DGKB: variants seen among roughly 807,000 people sequenced by gnomAD.
DGKB encodes the protein diacylglycerol kinase beta, also known as 90 kDa diacylglycerol kinase.
A neutral mutation model predicts 114.3 loss-of-function variants in DGKB; 67 were observed. That is an observed-to-expected ratio of 0.59 (90% confidence interval 0.48 to 0.72). The LOEUF (loss-of-function observed/expected upper bound fraction) is 0.72, where lower values mean the gene tolerates loss of function less well. DGKB is among the 30% of genes least tolerant of loss of function. DGKB has a pLI of 0.00. For missense variants in DGKB, 907 were observed against 975.2 expected (o/e 0.93, Z 0.93); for synonymous variants, 398 against 323.1 (o/e 1.23, Z -2.49).
chr7:14,494,891 G>A lies in DGKB; in HGVS notation c.1771-16666C>T, dbSNP rs139880098. Among the ~76,000 whole-genome samples the A allele has an allele frequency of 2.5e-3, 386 of 151,782 alleles. 4 individuals carry two copies. Among genetic ancestry groups the A allele is most frequent in the Middle Eastern group, 3.4e-3 (1 of 294 alleles). On this transcript the variant is annotated intron_variant, in intron 20 of 25. Transcript: ENST00000402815. ...AGTCCTACTAATATATACAATCCAC[G>A]TGGATCTGCATGTTATATGGCTTCA...
intron 4 of DGKB, among the ~76,000 whole-genome samples, chr7:14,749,133 G>A (rs373118962): frequency 2.6e-5 from 4 of 152,136 alleles, no homozygotes; most frequent in African/African-American, 9.6e-5. Flanking sequence ...ATGCAGCATG[G>A]CTATCTTACT....
intron 1 of DGKB, among the ~76,000 whole-genome samples, chr7:14,929,022 T>TACACACACAC (rs3036022): frequency 1.6e-3 from 231 of 146,846 alleles, no homozygotes; most frequent in Middle Eastern, 3.5e-3. Flanking sequence ...GCATTGTGTA[T>TACACACACAC]ACACACACAC....
chr7:14,818,685 T>C (rs1844497177), intron 2 of DGKB, among the ~76,000 whole-genome samples: 1 of 152,204 alleles, frequency 6.6e-6, no homozygotes, highest in Admixed American at 6.5e-5. Flanking sequence ...GATTAGTTTA[T>C]CAGTCAGGAT....
intron 21 of DGKB, among the ~76,000 whole-genome samples, chr7:14,454,300 C>T (rs528636681): frequency 8.5e-5 from 13 of 152,076 alleles, no homozygotes; most frequent in Admixed American, 3.3e-4. Flanking sequence ...AAATACTTCC[C>T]TATTTTAAAA....
intron 14 of DGKB, among the ~76,000 whole-genome samples, chr7:14,623,475 C>A (rs1382579726): frequency 6.6e-6 from 1 of 152,166 alleles, no homozygotes; most frequent in Non-Finnish European, 1.5e-5. Context: ...TCTCTGCTAT[C>A]AAGCATTGAA....
chr7:14,404,836 G>A (rs73679723), intron 21 of DGKB, among the ~76,000 whole-genome samples: 225 of 151,416 alleles, frequency 1.5e-3, no homozygotes, highest in African/African-American at 4.9e-3. Context: ...CTTGTCTTTC[G>A]TTGGCTGCTC....
At chr7:14,376,247 G>A (rs762927522) in intron 21 of DGKB, among the ~76,000 whole-genome samples, 1 of 152,136 alleles carries the variant, frequency 6.6e-6, no homozygotes, top group South Asian at 2.1e-4. Context: ...ATCAGACTGG[G>A]CCAAGAGAAT....
At chr7:14,218,034 T>C (rs1789285742) in intron 23 of DGKB, among the ~76,000 whole-genome samples, 1 of 152,154 alleles carries the variant, frequency 6.6e-6, no homozygotes, top group South Asian at 2.1e-4. Flanking sequence ...TTCATTTGGC[T>C]TTAAAATAAA....
At chr7:14,412,848 G>T (rs569989512) in intron 21 of DGKB, among the ~76,000 whole-genome samples, 12 of 152,068 alleles carry the variant, frequency 7.9e-5, no homozygotes, top group Admixed American at 4.6e-4. Context: ...AGGCGTGATG[G>T]TGCGTGCCTG....
intron 4 of DGKB, among the ~76,000 whole-genome samples, chr7:14,738,056 G>T (rs1407897370): frequency 6.6e-6 from 1 of 152,160 alleles, no homozygotes; most frequent in Admixed American, 6.5e-5. Context: ...TAAAAACATG[G>T]CGATTAGGCC....
At position 14,701,746 on chromosome 7, in the gene DGKB, T is replaced by C; in HGVS notation, c.467-16A>G. The C allele has an allele frequency of 6.3e-7, 1 of 1,585,492 alleles. No homozygotes were observed. The highest frequency in any genetic ancestry group is 1.1e-5 in the South Asian group (1 of 90,446). On this transcript the variant is annotated splice_polypyrimidine_tract_variant and intron_variant, in intron 6 of 25. Transcript: ENST00000402815. ...CGAAACATAACTAGAATGAAAGAGG[T>C]GTTGAAAACAAGATTATAGGCAAAT...
At chr7:14,694,318 G>T in intron 8 of DGKB, 124 bp from the exon 9 acceptor site, 1 of 830,468 alleles carries the variant, frequency 1.2e-6, no homozygotes, top group Non-Finnish European at 1.8e-6. Flanking sequence ...TGCTAACTCA[G>T]TACAACATTA....
At chr7:14,261,179 T>C (rs1277875773) in intron 23 of DGKB, among the ~76,000 whole-genome samples, 1 of 152,036 alleles carries the variant, frequency 6.6e-6, no homozygotes, top group Non-Finnish European at 1.5e-5. Flanking sequence ...TTTTTCAACA[T>C]GTTGGGTTGC....
chr7:14,684,489 A>G (rs1422162638), intron 10 of DGKB, among the ~76,000 whole-genome samples: 2 of 152,182 alleles, frequency 1.3e-5, no homozygotes, highest in Admixed American at 6.5e-5. Flanking sequence ...TATCAGGACT[A>G]TCATGGATTG....
intron 1 of DGKB, among the ~76,000 whole-genome samples, chr7:14,956,068 A>C (rs879262014): frequency 1.2e-4 from 18 of 152,034 alleles, no homozygotes; most frequent in Non-Finnish European, 2.2e-4. Context: ...AAGGTGTATC[A>C]AAATATAAAA....
intron 21 of DGKB, among the ~76,000 whole-genome samples, chr7:14,408,935 C>G (rs75478654): frequency 6.6e-6 from 1 of 151,968 alleles, no homozygotes; most frequent in Non-Finnish European, 1.5e-5. Context: ...TATGTAGATG[C>G]TAGTTTAGTT....
intron 10 of DGKB, among the ~76,000 whole-genome samples, chr7:14,683,111 T>C (rs1032255191): frequency 6.6e-6 from 1 of 152,122 alleles, no homozygotes; most frequent in African/African-American, 2.4e-5. Flanking sequence ...CTCACTCAAA[T>C]TTTTCACAAT....
chr7:14,696,606 C>CTAA (rs1390678204), intron 8 of DGKB, among the ~76,000 whole-genome samples: 1 of 145,286 alleles, frequency 6.9e-6, no homozygotes, highest in Non-Finnish European at 1.5e-5. Context: ...TGACAGATGA[C>CTAA]TAATCTGCAC....
At chr7:14,421,335 G>C (rs143682232) in intron 21 of DGKB, among the ~76,000 whole-genome samples, 1 of 151,978 alleles carries the variant, frequency 6.6e-6, no homozygotes, top group South Asian at 2.1e-4. Flanking sequence ...GATGACTCAC[G>C]ATCAGAACCC....
Sources: gnomAD v4.1 joint callset for allele counts (sites outside exome capture counted in the v4.1 genomes callset) on GRCh38, gnomAD v4.1.1 for gene constraint, MANE v1.5 for transcripts, NCBI Gene and HGNC (gene_info 2026-07-23, HGNC 2026-07-21) for gene names.